Variants in SNED1 observed in about 807,000 individuals in gnomAD.
SNED1 encodes the protein sushi, nidogen and EGF-like domain-containing protein 1.
A neutral mutation model predicts 166.7 loss-of-function variants in SNED1; 81 were observed. That is an observed-to-expected ratio of 0.49 (90% CI 0.41 to 0.58). The LOEUF (loss-of-function observed/expected upper bound fraction) is 0.58, where lower values mean the gene tolerates loss of function less well. Among genes scored for constraint, SNED1 ranks in the 20% least tolerant of loss-of-function variants. The probability of loss-of-function intolerance (pLI) is 0.00; values close to 1 mark genes in which losing one functional copy is unlikely to be tolerated. For synonymous variants in SNED1, 762 were observed against 822.0 expected (o/e 0.93, Z 1.25); for missense variants, 1,604 against 2,000.2 (o/e 0.80, Z 3.78).
At position 241,073,658 on chromosome 2, in the gene SNED1, G is replaced by A. The variant is rs13429060; in HGVS notation, c.3916+294G>A. Reference sequence around the variant, plus strand: ...TGCCTCCCCTCCCCTCTCCTCCTTCGCCTCCACATGCAGCAGAGCCCACCC... The same window carrying A: ...TGCCTCCCCTCCCCTCTCCTCCTTCACCTCCACATGCAGCAGAGCCCACCC... On this transcript the variant is annotated intron_variant, in intron 27 of 31. Transcript: ENST00000310397. The surrounding 1 kb of genome is among the most constrained non-coding windows in gnomAD (Gnocchi z 6.6). 7.7e-4 allele frequency: 388 copies of A among 501,874 alleles called. No homozygotes were observed. The highest frequency in any genetic ancestry group is 6.3e-3 in the African/African-American group (329 of 51,820). The allele number at this position is 501,874 out of a possible 1,614,324, so 31.1% of individuals were successfully genotyped here.
rs370558207 is a variant in SNED1 at position 241,021,566 on chromosome 2, T to G, written c.214-8718T>G. Among the ~76,000 whole-genome samples, 46 of 152,328 alleles carry G rather than the reference T, an allele frequency of 3.0e-4. No homozygotes were observed. In the East Asian group the frequency reaches 8.1e-3, roughly 27 times the overall value. On this transcript the variant is annotated intron_variant, in intron 1 of 31. Coordinates refer to ENST00000310397, the MANE Select transcript of SNED1 (RefSeq NM_001080437.3). ...GTCTTTTGGGACTGGCTTCTTTCAT[T>G]TAACATAGTGTTTTCAAAGTTTATT...
chr2:241,040,124 G>A lies in SNED1; in HGVS notation c.1095G>A (p.Gln365=), dbSNP rs1280768414. Residue 365 remains glutamine (Q), a synonymous_variant, in exon 7 of 32, where the codon CAG becomes CAA. Transcript: ENST00000310397. ...TKECQHGGQC[Q]VENGSAVCVC... ...AGTGTCAACATGGTGGCCAGTGCCA[G>A]GTGGAGAATGGCTCTGCGGTGTGTG... The A allele has an allele frequency of 1.9e-6, 3 of 1,602,684 alleles. No homozygotes were observed. The highest frequency in any genetic ancestry group is 3.4e-5 in the Admixed American group (2 of 58,676).
At chr2:241,049,755 C>G in intron 11 of SNED1, 62 bp from the exon 12 acceptor site, 1 of 1,337,922 alleles carries the variant, frequency 7.5e-7, no homozygotes, top group East Asian at 2.3e-5. Flanking sequence ...GCCCGCCAGC[C>G]TCTTGCCGCC....
rs1182568498 is a variant in SNED1, at chr2:241,090,321, C to T, written c.*2-1317C>T. The T allele has an allele frequency of 3.9e-6, 6 of 1,549,894 alleles. No individual in the cohort carries two copies. The African/African-American group carries it at 6.8e-5, about 18-fold the overall frequency. On this transcript the variant is annotated intron_variant, in intron 31 of 31. Coordinates refer to ENST00000310397, the MANE Select transcript of SNED1 (RefSeq NM_001080437.3). ...ATGTCACCTTCTTCCACTTCCACAT[C>T]GTGTCCCAGTAACACACATGGAGCT... is the stretch of plus-strand genomic sequence containing the variant.
At chr2:241,077,619 C>G (rs892924886) in intron 27 of SNED1, among the ~76,000 whole-genome samples, 7 of 152,066 alleles carry the variant, frequency 4.6e-5, no homozygotes, top group African/African-American at 1.7e-4. Flanking sequence ...GATCAGAGAC[C>G]CATATCTAAA....
Position 241,013,915 on chromosome 2 carries a change from G to A in SNED1, c.213+14865G>A, listed in dbSNP as rs755460075. On this transcript the variant is annotated intron_variant, in intron 1 of 31. Coordinates refer to ENST00000310397, the MANE Select transcript of SNED1 (RefSeq NM_001080437.3). The surrounding 1 kb of genome is among the most constrained non-coding windows in gnomAD (Gnocchi z 4.6). Reference sequence around the variant, plus strand: ...TGAGATACTGGTTTCATTTCATTGGGTATATACTCAGAAGTGGGATTGCTA... The same window carrying A: ...TGAGATACTGGTTTCATTTCATTGGATATATACTCAGAAGTGGGATTGCTA... Among the ~76,000 whole-genome samples, 1 of 152,076 alleles carries A rather than the reference G, an allele frequency of 6.6e-6. No homozygotes were observed. Among genetic ancestry groups the A allele is most frequent in the African/African-American group, 2.4e-5 (1 of 41,396 alleles).
chr2:241,019,799 A>C (rs1245410221), intron 1 of SNED1, among the ~76,000 whole-genome samples: 1 of 152,178 alleles, frequency 6.6e-6, no homozygotes, highest in Non-Finnish European at 1.5e-5. Flanking sequence ...TGAGGGTGTT[A>C]GTGTCTCAGG....
intron 3 of SNED1, 45 bp downstream of exon 3, chr2:241,033,920 CCA>C (rs1438268093): frequency 6.5e-7 from 1 of 1,546,868 alleles, no homozygotes; most frequent in East Asian, 2.4e-5. Context: ...CCCCTGCTCC[CCA>C]CAGCCAGGAC....
Position 241,051,878 on chromosome 2 carries a change from A to C in SNED1, c.1852+18A>C, listed in dbSNP as rs1334308031. 8 of 1,522,654 alleles carry C rather than the reference A, an allele frequency of 5.3e-6. No individual in the cohort carries two copies. The East Asian group carries it at 1.9e-4, about 37-fold the overall frequency. The allele number at this position is 1,522,654 out of a possible 1,614,324, so 94.3% of individuals were successfully genotyped here. On this transcript the variant is annotated intron_variant, in intron 13 of 31. Transcript: ENST00000310397. This position sits in a 1 kb window ranked among gnomAD's most constrained non-coding sequence, Gnocchi z 4.7. Reference sequence around the variant, plus strand: ...TGAGATCGGTGCGGCCCCCAGGGGCAGGGGGGAGGGCAGGAACGACGGGCC... The same window carrying C: ...TGAGATCGGTGCGGCCCCCAGGGGCCGGGGGGAGGGCAGGAACGACGGGCC...
At chr2:241,066,710 G>C (rs1361086766) in intron 21 of SNED1, among the ~76,000 whole-genome samples, 1 of 152,222 alleles carries the variant, frequency 6.6e-6, no homozygotes, top group Admixed American at 6.5e-5. Flanking sequence ...ACGTGAGTTT[G>C]GTGAAACCTA....
intron 1 of SNED1, among the ~76,000 whole-genome samples, chr2:241,012,652 A>G (rs2060446952): frequency 6.6e-6 from 1 of 152,238 alleles, no homozygotes; most frequent in Non-Finnish European, 1.5e-5. Flanking sequence ...ATTGACAGAC[A>G]AAATTGTGTG....
chr2:241,016,760 A>C (rs143859055), intron 1 of SNED1, among the ~76,000 whole-genome samples: 5 of 152,050 alleles, frequency 3.3e-5, no homozygotes, highest in African/African-American at 1.2e-4. Context: ...TGCTGGGAAA[A>C]TTTTGAATAT....
At position 241,071,692 on chromosome 2, in the gene SNED1, G is replaced by A. The variant is rs1170861797; in HGVS notation, c.3706G>A (p.Ala1236Thr). 8.5e-6 allele frequency: 13 copies of A among 1,527,676 alleles called. No homozygotes were observed. Among genetic ancestry groups the A allele is most frequent in the South Asian group, 1.2e-5 (1 of 83,754 alleles). The allele number at this position is 1,527,676 out of a possible 1,614,324, so 94.6% of individuals were successfully genotyped here. The change falls in exon 25 of 32, where the codon GCC becomes ACC. Residue 1236 changes from alanine (A) to threonine (T), a missense_variant. Around this residue, in one of 2 missense-constraint regions of SNED1, gnomAD observed 367 missense variants for 379.4 expected, o/e 0.97. Transcript: ENST00000310397. ...PELRLLNDHS[A>T]PETPTQPPRF... ...GCTGCGCCTGCTCAATGACCACAGCGCCCCCGAGACCCCCACCCAGCCCCC... is the reference window on the plus strand; with the variant it reads ...GCTGCGCCTGCTCAATGACCACAGCACCCCCGAGACCCCCACCCAGCCCCC...
At chr2:241,005,731 G>A (rs780693589) in intron 1 of SNED1, among the ~76,000 whole-genome samples, 2 of 152,024 alleles carry the variant, frequency 1.3e-5, no homozygotes, top group African/African-American at 2.4e-5. Flanking sequence ...GTTGTCTTCT[G>A]ATTGGCATAG....
rs2064229769 is a variant in SNED1 at position 241,094,125 on chromosome 2, T to C, written c.*2489T>C. ...TGAAATGTCTCATTTCCAAACAGTT[T>C]TGCCTATGGCCAAGCAAGGCAATAA... On this transcript the variant is annotated 3_prime_UTR_variant, in exon 32 of 32. Transcript: ENST00000310397. The surrounding 1 kb of genome is among the most constrained non-coding windows in gnomAD (Gnocchi z 4.3). 1 of 358,934 alleles carries C rather than the reference T, an allele frequency of 2.8e-6. No homozygotes were observed. Among genetic ancestry groups the C allele is most frequent in the Non-Finnish European group, 5.7e-6 (1 of 175,950 alleles). The allele number at this position is 358,934 out of a possible 1,614,324, so 22.2% of individuals were successfully genotyped here.
chr2:241,083,881 T>C (rs1575124122), intron 29 of SNED1, among the ~76,000 whole-genome samples: 2 of 146,214 alleles, frequency 1.4e-5, no homozygotes, highest in Admixed American at 6.9e-5. Context: ...GCTGATGTGG[T>C]TGGATTTAAA....
chr2:240,998,740 C>G lies in SNED1; in HGVS notation c.-98C>G. 2.2e-6 allele frequency: 1 copy of G among 453,996 alleles called. No homozygotes were observed. The highest frequency in any genetic ancestry group is 2.9e-6 in the Non-Finnish European group (1 of 345,254). 28.1% of individuals were successfully genotyped at this position (453,996 alleles called of 1,614,324 possible). On this transcript the variant is annotated 5_prime_UTR_variant, in exon 1 of 32. Transcript: ENST00000310397. ...GCGGCCAGCGGGCGCGCCCGCGCTC[C>G]CCGCACCCCGCCTGGCCCTGCCGGC...
chr2:241,076,544 A>T (rs1036262008), intron 27 of SNED1, among the ~76,000 whole-genome samples: 3 of 152,256 alleles, frequency 2.0e-5, no homozygotes, highest in Admixed American at 1.3e-4. Context: ...TATATATATA[A>T]AATCATATCC....
chr2:241,052,635 C>A lies in SNED1; in HGVS notation c.2083+167C>A, dbSNP rs1349611688. Among the ~76,000 whole-genome samples, 5 of 88,520 alleles carry A rather than the reference C, an allele frequency of 5.6e-5. No individual in the cohort carries two copies. The South Asian group carries it at 1.7e-3, about 30-fold the overall frequency. 58.1% of individuals were successfully genotyped at this position (88,520 alleles called of 152,430 possible). On this transcript the variant is annotated intron_variant, in intron 15 of 31. Transcript: ENST00000310397. ...ACCAGTGCCAGGCAGGTGAGAGGGC[C>A]GGGGGGCCAAGCAGGGTACATGGGA...
Sources: allele counts gnomAD v4.1 joint callset (sites outside exome capture counted in the v4.1 genomes callset), GRCh38; gene constraint gnomAD v4.1.1; regional missense constraint gnomAD v4.1.1; non-coding constraint Gnocchi (gnomAD v3.1); transcripts MANE v1.5; gene names NCBI Gene and HGNC (gene_info 2026-07-23, HGNC 2026-07-21).